RFX3: variants seen among roughly 807,000 people sequenced by gnomAD.
RFX3 encodes the protein transcription factor RFX3.
In RFX3, 14 loss-of-function variants were observed where a neutral mutation model predicts 98.6. That is an observed-to-expected ratio of 0.14 (90% CI 0.09 to 0.22). RFX3 has a LOEUF of 0.22. Among genes scored for constraint, RFX3 ranks in the 10% least tolerant of loss-of-function variants. The pLI is 1.00. For synonymous variants in RFX3, 383 were observed against 328.4 expected (o/e 1.17, Z -1.80); for missense variants, 639 against 926.9 (o/e 0.69, Z 4.03).
At chr9:3,486,368 C>A (rs950015573) in intron 1 of RFX3, among the ~76,000 whole-genome samples, 3 of 152,048 alleles carry the variant, frequency 2.0e-5, no homozygotes, top group African/African-American at 7.2e-5. Context: ...CTGCTTTTAT[C>A]GATTTTAGCT....
intron 1 of RFX3, among the ~76,000 whole-genome samples, chr9:3,484,013 C>G (rs142491854): frequency 4.9e-4 from 75 of 152,126 alleles, no homozygotes; most frequent in Non-Finnish European, 8.7e-4. Flanking sequence ...TATATAACAT[C>G]CCAGGTGAAT....
intron 1 of RFX3, among the ~76,000 whole-genome samples, chr9:3,506,580 C>T (rs1443226468): frequency 1.3e-5 from 2 of 151,826 alleles, no homozygotes; most frequent in African/African-American, 2.4e-5. Context: ...GGTATAGAAT[C>T]CTTAAAGGCA....
At chr9:3,452,127 G>A (rs930368356) in intron 1 of RFX3, among the ~76,000 whole-genome samples, 1 of 150,474 alleles carries the variant, frequency 6.6e-6, no homozygotes, top group Non-Finnish European at 1.5e-5. Context: ...TTACCCCTAT[G>A]GGGATGGTGG....
At chr9:3,403,022 T>C (rs989624809) in intron 1 of RFX3, among the ~76,000 whole-genome samples, 6 of 152,060 alleles carry the variant, frequency 3.9e-5, no homozygotes, top group Non-Finnish European at 7.4e-5. Flanking sequence ...CATATATATG[T>C]ATTTTAAACA....
In RFX3 at chr9:3,301,558, A is replaced by T. The variant is rs1586945195; in HGVS notation, c.537T>A (p.Leu179=). 1 of 1,600,414 alleles carries T rather than the reference A, an allele frequency of 6.2e-7. No homozygotes were observed. The highest frequency in any genetic ancestry group is 8.5e-7 in the Non-Finnish European group (1 of 1,170,338). The stretch of plus-strand genomic sequence containing the variant: ...AGAGGCAACTTACATGGCTGTTGAG[A>T]AGAGAGCTTCTGTGAGTGGACAGAC... The part of the protein sequence containing the change: ...SDGLSTHRSS[L]LNSHLQWLLD... Residue 179 remains leucine, a synonymous_variant, in exon 5 of 17, where the codon CTT becomes CTA. Coordinates refer to ENST00000617270, the MANE Select transcript of RFX3 (RefSeq NM_001282116.2).
chr9:3,509,170 T>C (rs1817419118), intron 1 of RFX3, among the ~76,000 whole-genome samples: 1 of 152,050 alleles, frequency 6.6e-6, no homozygotes, highest in South Asian at 2.1e-4. Flanking sequence ...TAAAGGGCAG[T>C]CCGTTCATAT....
chr9:3,328,651 C>A (rs984154072), intron 4 of RFX3, among the ~76,000 whole-genome samples: 1 of 151,814 alleles, frequency 6.6e-6, no homozygotes, highest in Non-Finnish European at 1.5e-5. Flanking sequence ...TAACAAATAG[C>A]GAATTAAAAT....
chr9:3,291,829 G>A lies in RFX3; in HGVS notation c.731+1248C>T, dbSNP rs368825473. Among the ~76,000 whole-genome samples the A allele has an allele frequency of 5.9e-4, 90 of 151,756 alleles. No homozygotes were observed. In the Middle Eastern group the frequency reaches 0.01, roughly 17 times the overall value. Reference sequence around the variant, plus strand: ...TAAAAACTCTTCACTTTGGGAGGCCGAGGCAGGTGGATCACAAAAGAGATG... The same window carrying A: ...TAAAAACTCTTCACTTTGGGAGGCCAAGGCAGGTGGATCACAAAAGAGATG... On this transcript the variant is annotated intron_variant, in intron 6 of 16. Transcript: ENST00000617270.
intron 9 of RFX3, among the ~76,000 whole-genome samples, 198 bp from the exon 10 acceptor site, chr9:3,271,316 G>C (rs1405980234): frequency 6.6e-6 from 1 of 151,098 alleles, no homozygotes; most frequent in Non-Finnish European, 1.5e-5. Context: ...AGATAAAGAG[G>C]GGAAAATTCT....
intron 9 of RFX3, among the ~76,000 whole-genome samples, chr9:3,274,437 C>A (rs924284316): frequency 6.6e-6 from 1 of 152,122 alleles, no homozygotes; most frequent in Non-Finnish European, 1.5e-5. Flanking sequence ...CAAGAAAACT[C>A]TTACTATAAT....
At chr9:3,384,449 T>C (rs1431762197) in intron 2 of RFX3, among the ~76,000 whole-genome samples, 2 of 152,204 alleles carry the variant, frequency 1.3e-5, no homozygotes, top group African/African-American at 2.4e-5. Flanking sequence ...GTGGCTATTA[T>C]CAAAAACAAG....
At chr9:3,375,363 G>T (rs2131611063) in intron 2 of RFX3, among the ~76,000 whole-genome samples, 2 of 152,270 alleles carry the variant, frequency 1.3e-5, no homozygotes, top group East Asian at 3.9e-4. Context: ...ACACCATGAT[G>T]TAGCTTATTT....
intron 1 of RFX3, among the ~76,000 whole-genome samples, chr9:3,514,215 T>A (rs1283872491): frequency 6.6e-6 from 1 of 152,234 alleles, no homozygotes; most frequent in East Asian, 1.9e-4. Flanking sequence ...AAAATAGCAC[T>A]AAGGTGGAAA....
intron 3 of RFX3, chr9:3,344,607 C>G: frequency 1.9e-6 from 1 of 527,578 alleles, no homozygotes; most frequent in Non-Finnish European, 3.4e-6. Context: ...TTTCAACTGC[C>G]CTTTTCCCTT....
chr9:3,226,027 T>C (rs1040878022), intron 16 of RFX3, among the ~76,000 whole-genome samples: 1 of 152,200 alleles, frequency 6.6e-6, no homozygotes, highest in African/African-American at 2.4e-5. Flanking sequence ...ATCATTATAA[T>C]AGAATGCCAT....
intron 1 of RFX3, among the ~76,000 whole-genome samples, chr9:3,484,313 T>C (rs1443642978): frequency 1.3e-5 from 2 of 152,162 alleles, no homozygotes; most frequent in African/African-American, 4.8e-5. Flanking sequence ...GGCACACAAC[T>C]AGCACTTAAT....
At chr9:3,508,142 T>C (rs1219719425) in intron 1 of RFX3, among the ~76,000 whole-genome samples, 2 of 151,996 alleles carry the variant, frequency 1.3e-5, no homozygotes, top group South Asian at 2.1e-4. Context: ...ACTCTATTAA[T>C]CTGAATTTTA....
At chr9:3,315,595 T>C (rs1830490653) in intron 4 of RFX3, among the ~76,000 whole-genome samples, 2 of 152,016 alleles carry the variant, frequency 1.3e-5, no homozygotes, top group Non-Finnish European at 2.9e-5. Context: ...AGCTGGCTTT[T>C]TGAAAAGATC....
chr9:3,253,405 A>G (rs906442871), intron 14 of RFX3, among the ~76,000 whole-genome samples: 1 of 152,202 alleles, frequency 6.6e-6, no homozygotes, highest in Non-Finnish European at 1.5e-5. Flanking sequence ...CCAAATATCA[A>G]AGCTATACAT....
Sources: allele counts gnomAD v4.1 joint callset (sites outside exome capture counted in the v4.1 genomes callset), GRCh38; gene constraint gnomAD v4.1.1; transcripts MANE v1.5; gene names NCBI Gene and HGNC (gene_info 2026-07-23, HGNC 2026-07-21).